Variants in CACNA1E observed in about 807,000 individuals in gnomAD.
The protein encoded by CACNA1E is calcium voltage-gated channel subunit alpha1 E.
In CACNA1E, 40 loss-of-function variants were observed where a neutral mutation model predicts 259.2. That is an observed-to-expected ratio of 0.15 (90% confidence interval 0.12 to 0.20). The LOEUF (loss-of-function observed/expected upper bound fraction) is 0.20, where lower values mean the gene tolerates loss of function less well. CACNA1E is among the 10% of genes least tolerant of loss of function. The probability of loss-of-function intolerance (pLI) is 1.00; values close to 1 mark genes in which losing one functional copy is unlikely to be tolerated. For missense variants in CACNA1E, 1,874 were observed against 3,040.1 expected, an observed-to-expected ratio of 0.62 and a Z score of 9.02; for synonymous variants, 1,104 against 1,138.5, an observed-to-expected ratio of 0.97 and a Z score of 0.61.
rs1163298714 is a variant in CACNA1E at position 181,794,845 on chromosome 1, T to TG, written c.6028-14dup. On this transcript the variant is annotated intron_variant, in intron 45 of 47. Transcript: ENST00000367573. ...CGTTAATCCATACCTTGTGTTTCTC[T>TG]GGGGGCTTGTATTTCCAGGTGGTGA... 1.1e-5 allele frequency: 17 copies of TG among 1,600,820 alleles called. No individual in the cohort carries two copies. In the East Asian group the frequency reaches 3.8e-4, roughly 36 times the overall value.
intron 2 of CACNA1E, among the ~76,000 whole-genome samples, chr1:181,454,955 C>A (rs1661369892): frequency 6.6e-6 from 1 of 152,146 alleles, no homozygotes; most frequent in Non-Finnish European, 1.5e-5. Flanking sequence ...GCCTGTGGTT[C>A]CCAAATGCTA....
intron 7 of CACNA1E, among the ~76,000 whole-genome samples, chr1:181,658,246 G>T (rs985890673): frequency 1.3e-5 from 2 of 152,194 alleles, no homozygotes; most frequent in Admixed American, 1.3e-4. Flanking sequence ...ACAGTGCCTT[G>T]TGTCTGACCA....
intron 6 of CACNA1E, among the ~76,000 whole-genome samples, chr1:181,592,754 A>G (rs1344962741): frequency 6.6e-6 from 1 of 152,090 alleles, no homozygotes; most frequent in Non-Finnish European, 1.5e-5. Context: ...CACTAAAGTG[A>G]AGACTCCCTT....
intron 2 of CACNA1E, among the ~76,000 whole-genome samples, chr1:181,431,314 T>C (rs1659700661): frequency 6.6e-6 from 1 of 152,210 alleles, no homozygotes; most frequent in Non-Finnish European, 1.5e-5. Flanking sequence ...CAACATATAC[T>C]GACCATGAAA....
rs146036117 is a variant in CACNA1E, at chr1:181,339,135, G to A, written c.-15+21012G>A. On this transcript the variant is annotated intron_variant, in intron 1 of 11. Coordinates refer to the CACNA1E transcript ENST00000524607. ...ATTTTTCTTTTTCAAGATTGCTTTGGCTATTCAGGATCTTATATGATTCCA... is the reference window on the plus strand; with the variant it reads ...ATTTTTCTTTTTCAAGATTGCTTTGACTATTCAGGATCTTATATGATTCCA... 2.1e-4 allele frequency among the ~76,000 whole-genome samples: 32 copies of A among 151,912 alleles called. No homozygotes were observed. In the East Asian group the frequency reaches 6.2e-3, roughly 29 times the overall value.
intron 1 of CACNA1E, among the ~76,000 whole-genome samples, chr1:181,389,972 A>G (rs1656138573): frequency 6.6e-6 from 1 of 152,280 alleles, no homozygotes; most frequent in African/African-American, 2.4e-5. Context: ...CTGCAGCCAC[A>G]ATACAGATGA....
In CACNA1E at chr1:181,541,030, A is replaced by G. The variant is rs540862457; in HGVS notation, c.512+29520A>G. Among the ~76,000 whole-genome samples the G allele has an allele frequency of 2.0e-5, 3 of 152,338 alleles. No individual in the cohort carries two copies. In the South Asian group the frequency reaches 6.2e-4, roughly 32 times the overall value. ...GGTGAGTATAACATGAATATTCCCA[A>G]ATCAAAGAAATCCAAAACACCTCTG... On this transcript the variant is annotated intron_variant, in intron 3 of 47. Transcript: ENST00000367573.
intron 1 of CACNA1E, among the ~76,000 whole-genome samples, chr1:181,403,415 A>G (rs1025973077): frequency 3.3e-5 from 5 of 151,818 alleles, no homozygotes; most frequent in Non-Finnish European, 5.9e-5. Flanking sequence ...ATATAACCCA[A>G]TTGCACTGTT....
intron 3 of CACNA1E, among the ~76,000 whole-genome samples, chr1:181,561,027 C>T (rs951549913): frequency 6.6e-6 from 1 of 152,126 alleles, no homozygotes; most frequent in African/African-American, 2.4e-5. Context: ...ATATTAGGTA[C>T]TTAGAGTGGT....
intron 2 of CACNA1E, among the ~76,000 whole-genome samples, chr1:181,446,126 G>C (rs1244936500): frequency 6.6e-6 from 1 of 152,176 alleles, no homozygotes; most frequent in Non-Finnish European, 1.5e-5. Flanking sequence ...CAGATGTCTG[G>C]GGCAGTCTTA....
At chr1:181,598,292 T>G (rs906164200) in intron 6 of CACNA1E, among the ~76,000 whole-genome samples, 3 of 152,194 alleles carry the variant, frequency 2.0e-5, no homozygotes, top group Non-Finnish European at 1.5e-5. Context: ...CATGCTTGTG[T>G]TCAGTGGATG....
chr1:181,663,640 T>A (rs1647910691), intron 7 of CACNA1E, among the ~76,000 whole-genome samples: 1 of 152,188 alleles, frequency 6.6e-6, no homozygotes, highest in South Asian at 2.1e-4. Context: ...GAGGCTGGCA[T>A]CTTAAAAGTC....
At chr1:181,654,860 T>C (rs2102084784) in intron 7 of CACNA1E, among the ~76,000 whole-genome samples, 1 of 151,846 alleles carries the variant, frequency 6.6e-6, no homozygotes, top group African/African-American at 2.4e-5. Context: ...GGCGGGCGCC[T>C]GTAGTCCCAG....
chr1:181,359,674 A>C (rs1183319217), intron 1 of CACNA1E, among the ~76,000 whole-genome samples: 1 of 152,178 alleles, frequency 6.6e-6, no homozygotes, highest in Non-Finnish European at 1.5e-5. Context: ...GGGTTTTAAA[A>C]TTCCTCCCGA....
intron 2 of CACNA1E, among the ~76,000 whole-genome samples, chr1:181,423,311 A>G (rs565444842): frequency 3.4e-4 from 52 of 152,342 alleles, no homozygotes; most frequent in African/African-American, 1.2e-3. Flanking sequence ...CACAAGGTCA[A>G]CAGTCAGTGC....
chr1:181,634,522 A>G (rs1657028884), intron 6 of CACNA1E, among the ~76,000 whole-genome samples: 1 of 152,206 alleles, frequency 6.6e-6, no homozygotes, highest in Non-Finnish European at 1.5e-5. Flanking sequence ...ATTATATCTT[A>G]CTTTTAATGT....
At chr1:181,763,562 G>T (rs767402182) in intron 34 of CACNA1E, 31 bp downstream of exon 34, 9 of 1,518,608 alleles carry the variant, frequency 5.9e-6, no homozygotes, top group South Asian at 1.3e-5. Context: ...CTCTCTGAGG[G>T]TTGTCATATC....
At chr1:181,454,377 C>T (rs1272178338) in intron 2 of CACNA1E, among the ~76,000 whole-genome samples, 1 of 152,182 alleles carries the variant, frequency 6.6e-6, no homozygotes, top group East Asian at 1.9e-4. Flanking sequence ...AAAATCACAA[C>T]CTTCTGAATT....
intron 3 of CACNA1E, among the ~76,000 whole-genome samples, chr1:181,564,006 G>C (rs1649577158): frequency 6.6e-6 from 1 of 152,324 alleles, no homozygotes; most frequent in East Asian, 1.9e-4. Flanking sequence ...AAATGCTCAT[G>C]ATTATCTAAG....
Sources: gnomAD v4.1 joint callset for allele counts (sites outside exome capture counted in the v4.1 genomes callset) on GRCh38, gnomAD v4.1.1 for gene constraint, MANE v1.5 for transcripts, NCBI Gene and HGNC (gene_info 2026-07-23, HGNC 2026-07-21) for gene names.